Variants in CDK18 observed in about 807,000 individuals in gnomAD.
CDK18 encodes cyclin-dependent kinase 18.
Under a neutral mutation model 62.0 loss-of-function variants are expected in CDK18, and 52 were observed. The observed-to-expected ratio is 0.84, with a 90% CI of 0.67 to 1.06. CDK18 has a LOEUF of 1.06. Ranked by LOEUF, CDK18 falls within the 50% of genes least tolerant of loss-of-function variation. The probability of loss-of-function intolerance (pLI) is 0.00; values close to 1 mark genes in which losing one functional copy is unlikely to be tolerated. For synonymous variants in CDK18, 237 were observed against 247.0 expected (o/e 0.96, Z 0.38); for missense variants, 604 against 619.9 (o/e 0.97, Z 0.27).
intron 11 of CDK18, 91 bp from the exon 12 acceptor site, chr1:205,529,233 T>C: frequency 2.2e-6 from 3 of 1,392,814 alleles, no homozygotes; most frequent in Non-Finnish European, 3.0e-6. Flanking sequence ...CTCGGCCATC[T>C]TTGCTCCCAC....
At position 205,507,646 on chromosome 1, in the gene CDK18, A is replaced by T. The variant is rs1035909306; in HGVS notation, c.-22+2850A>T. Among the ~76,000 whole-genome samples the T allele has an allele frequency of 2.3e-3, 350 of 151,170 alleles. 3 individuals are homozygous for T. Among genetic ancestry groups the T allele is most frequent in the Middle Eastern group, 0.01 (3 of 292 alleles). ...GAGACTCCGTCTCAAAAAAAAAAAA[A>T]AAAAAAAAAAAAAAAAATAATGCAC... On this transcript the variant is annotated intron_variant, in intron 1 of 15. Transcript: ENST00000429964.
chr1:205,527,011 TTTAC>T lies in CDK18; in HGVS notation c.729+175_729+178del, dbSNP rs1379125883. On this transcript the variant is annotated intron_variant, in intron 8 of 15. Coordinates refer to ENST00000429964, the MANE Select transcript of CDK18 (RefSeq NM_212502.3). The surrounding 1 kb of genome is among the most constrained non-coding windows in gnomAD (Gnocchi z 4.1). ...CGAGTCCAGGAACTGGGTTGAGCGC[TTTAC>T]CCCAAGAACAGACACACACTGTCTG... 4 of 613,124 alleles carry T rather than the reference TTTAC, an allele frequency of 6.5e-6. No individual in the cohort carries two copies. The highest frequency in any genetic ancestry group is 1.2e-5 in the Non-Finnish European group (4 of 337,574). The allele number at this position is 613,124 out of a possible 1,614,324, so 38.0% of individuals were successfully genotyped here. A position where few individuals can be genotyped will look rare whatever the true frequency, so the allele number is the denominator to read the frequency against.
chr1:205,515,376 C>A (rs1405010304), intron 1 of CDK18, among the ~76,000 whole-genome samples: 2 of 151,966 alleles, frequency 1.3e-5, no homozygotes. Flanking sequence ...AGGGTTTCAC[C>A]ATATTGGCCA....
chr1:205,508,759 G>A (rs762264754), intron 1 of CDK18, among the ~76,000 whole-genome samples: 35 of 152,044 alleles, frequency 2.3e-4, no homozygotes, highest in South Asian at 6.2e-4. Context: ...GGGGAGGATC[G>A]CTTGAGCCTA....
At chr1:205,521,378 A>AT (rs1189331974) in intron 1 of CDK18, among the ~76,000 whole-genome samples, 5 of 152,004 alleles carry the variant, frequency 3.3e-5, no homozygotes, top group Non-Finnish European at 4.4e-5. Context: ...TGCCCAGCTA[A>AT]TTTTTTTGTA....
In CDK18 at chr1:205,531,470, A is replaced by G; in HGVS notation, c.*92A>G. On this transcript the variant is annotated 3_prime_UTR_variant, in exon 16 of 16. Coordinates refer to ENST00000429964, the MANE Select transcript of CDK18 (RefSeq NM_212502.3). ...AGCCTGTGTGGCCCTCGGAGGACTG[A>G]AGAACGAGGGCTGACAGCCAGCCTG... is the stretch of plus-strand genomic sequence containing the variant. 1 of 1,220,056 alleles carries G rather than the reference A, an allele frequency of 8.2e-7. No individual in the cohort carries two copies. Among genetic ancestry groups the G allele is most frequent in the Non-Finnish European group, 1.2e-6 (1 of 823,736 alleles). 75.6% of individuals were successfully genotyped at this position (1,220,056 alleles called of 1,614,324 possible). A position where few individuals can be genotyped will look rare whatever the true frequency, so the allele number is the denominator to read the frequency against.
intron 13 of CDK18, chr1:205,530,044 G>A: frequency 1.4e-6 from 2 of 1,420,370 alleles, no homozygotes; most frequent in Non-Finnish European, 1.8e-6. Context: ...TTCATTTCTG[G>A]TTTTTCCTGG....
At chr1:205,526,316 T>C (rs1462320708) in intron 6 of CDK18, 51 bp from the exon 7 acceptor site, 2 of 1,503,544 alleles carry the variant, frequency 1.3e-6, no homozygotes, top group Admixed American at 1.7e-5. Flanking sequence ...GAAAAGAGGG[T>C]ATGGGGACAC....
chr1:205,511,222 A>C (rs1243417069), intron 1 of CDK18, among the ~76,000 whole-genome samples: 1 of 152,254 alleles, frequency 6.6e-6, no homozygotes, highest in East Asian at 1.9e-4. Context: ...ACCCTTAAAC[A>C]TTTTATAAAA....
In CDK18 at chr1:205,523,518, C is replaced by T. The variant is rs1234004106; in HGVS notation, c.166C>T (p.Gln56Ter). The change falls in exon 3 of 16, where the codon CAG becomes TAG. Residue 56 changes from glutamine to a stop codon, truncating the protein, a stop_gained. Coordinates refer to ENST00000429964, the MANE Select transcript of CDK18 (RefSeq NM_212502.3). LOFTEE classifies it high-confidence loss of function. Reference sequence around the variant, plus strand: ...CGGTCCTCTTGGCAGAGACCCCCCGCAGGAGTGCAGCACCTTCTCCCCAAC... The same window carrying T: ...CGGTCCTCTTGGCAGAGACCCCCCGTAGGAGTGCAGCACCTTCTCCCCAAC... The part of the protein sequence containing the change: ...QLGPLGRDPP[Q>*]ECSTFSPTDS... 12 of 1,606,036 alleles carry T rather than the reference C, an allele frequency of 7.5e-6. No homozygotes were observed. The East Asian group carries it at 2.7e-4, about 36-fold the overall frequency.
chr1:205,505,034 G>A (rs78002479), intron 1 of CDK18, among the ~76,000 whole-genome samples: 5,279 of 152,226 alleles, frequency 0.035, 152 homozygotes, highest in Middle Eastern at 0.051. Flanking sequence ...GCCCTCGAAA[G>A]GCCACTCGTA....
Position 205,531,556 on chromosome 1 carries a change from TC to T in CDK18, c.*182del. 1 of 636,726 alleles carries T rather than the reference TC, an allele frequency of 1.6e-6. No homozygotes were observed. The highest frequency in any genetic ancestry group is 2.9e-6 in the Non-Finnish European group (1 of 345,494). 39.4% of individuals were successfully genotyped at this position (636,726 alleles called of 1,614,324 possible). Reference sequence around the variant, plus strand: ...TTCTTCTTTGTGCTTCCCGTGTGCCTCCCCAGTAGCCCTCACCTGCATACCA... The same window carrying T: ...TTCTTCTTTGTGCTTCCCGTGTGCCTCCCAGTAGCCCTCACCTGCATACCA... On this transcript the variant is annotated 3_prime_UTR_variant, in exon 16 of 16. Transcript: ENST00000429964.
At chr1:205,506,927 C>G (rs1272133005) in intron 1 of CDK18, among the ~76,000 whole-genome samples, 1 of 152,204 alleles carries the variant, frequency 6.6e-6, no homozygotes, top group African/African-American at 2.4e-5. Context: ...CCTGCAAACC[C>G]CCGCTCAGGT....
chr1:205,510,887 G>A (rs1667536895), intron 1 of CDK18, among the ~76,000 whole-genome samples: 1 of 152,228 alleles, frequency 6.6e-6, no homozygotes, highest in Non-Finnish European at 1.5e-5. Context: ...GTCCCAAGAG[G>A]GGCTCAGCCT....
chr1:205,505,904 C>G (rs1177004354), intron 1 of CDK18, among the ~76,000 whole-genome samples: 2 of 152,154 alleles, frequency 1.3e-5, no homozygotes, highest in Non-Finnish European at 2.9e-5. Context: ...CTTCCCCACC[C>G]CTAGCCCAGC....
intron 1 of CDK18, among the ~76,000 whole-genome samples, chr1:205,519,906 C>T (rs901673897): frequency 3.3e-5 from 5 of 152,184 alleles, no homozygotes; most frequent in Admixed American, 6.5e-5. Context: ...GCAAATCCAA[C>T]ATGCCATCCC....
Position 205,528,750 on chromosome 1 carries a change from G to A in CDK18, c.975-249G>A, listed in dbSNP as rs994818472. On this transcript the variant is annotated intron_variant, in intron 10 of 15. Transcript: ENST00000429964. The surrounding 1 kb of genome is among the most constrained non-coding windows in gnomAD (Gnocchi z 4.2). ...GCTGCACAGACCCAAACCTCACAGAGTGAAAGGGGACTTTCCTCACAGAGT... is the reference window on the plus strand; with the variant it reads ...GCTGCACAGACCCAAACCTCACAGAATGAAAGGGGACTTTCCTCACAGAGT... 1.1e-5 allele frequency: 5 copies of A among 455,950 alleles called. No individual in the cohort carries two copies. Among genetic ancestry groups the A allele is most frequent in the African/African-American group, 7.9e-5 (4 of 50,584 alleles). The allele number at this position is 455,950 out of a possible 1,614,324, so 28.2% of individuals were successfully genotyped here. A position where few individuals can be genotyped will look rare whatever the true frequency, so the allele number is the denominator to read the frequency against.
intron 1 of CDK18, among the ~76,000 whole-genome samples, chr1:205,510,243 CCTT>C (rs1474857766): frequency 6.6e-6 from 1 of 152,118 alleles, no homozygotes; most frequent in Non-Finnish European, 1.5e-5. Context: ...AGGAACCAGA[CCTT>C]CTTCTCTTCT....
chr1:205,524,553 G>T (rs550717285), intron 4 of CDK18, among the ~76,000 whole-genome samples, 196 bp downstream of exon 4: 52 of 152,316 alleles, frequency 3.4e-4, no homozygotes, highest in African/African-American at 1.1e-3. Context: ...GTCTCACTTG[G>T]GCTGGAATGG....
Sources: allele counts gnomAD v4.1 joint callset (sites outside exome capture counted in the v4.1 genomes callset), GRCh38; gene constraint gnomAD v4.1.1; non-coding constraint Gnocchi (gnomAD v3.1); transcripts MANE v1.5; gene names NCBI Gene and HGNC (gene_info 2026-07-23, HGNC 2026-07-21).